The following LMNB2 variants were observed in gnomAD, a reference collection of about 807,000 sequenced individuals.
LMNB2 encodes lamin B2.
Under a neutral mutation model 69.3 loss-of-function variants are expected in LMNB2, and 17 were observed. The observed-to-expected ratio is 0.25, with a 90% CI of 0.17 to 0.37. The LOEUF (loss-of-function observed/expected upper bound fraction) is 0.37, where lower values mean the gene tolerates loss of function less well. Among genes scored for constraint, LMNB2 ranks in the 10% least tolerant of loss-of-function variants. The probability of loss-of-function intolerance (pLI) is 1.00; values close to 1 mark genes in which losing one functional copy is unlikely to be tolerated. For synonymous variants in LMNB2, 397 were observed against 389.3 expected, an observed-to-expected ratio of 1.02 and a Z score of -0.23; for missense variants, 789 against 883.6, an observed-to-expected ratio of 0.89 and a Z score of 1.36.
intron 1 of LMNB2, 56 bp from the exon 2 acceptor site, chr19:2,444,596 C>A: frequency 1.3e-6 from 2 of 1,595,906 alleles, no homozygotes; most frequent in South Asian, 2.2e-5. Context: ...TGGACTACAG[C>A]AGTCAGGGGG....
chr19:2,444,573 G>A (rs771936987), intron 1 of LMNB2, 33 bp from the exon 2 acceptor site: 8 of 1,602,886 alleles, frequency 5.0e-6, no homozygotes, highest in Admixed American at 1.7e-5. Context: ...GAAGCGAGAG[G>A]GACCCTTCCC....
At chr19:2,434,649 G>C (rs1270647935) in intron 6 of LMNB2, 134 bp from the exon 7 acceptor site, 5 of 1,493,512 alleles carry the variant, frequency 3.3e-6, no homozygotes, top group African/African-American at 2.8e-5. Context: ...GCGCACGGGA[G>C]GGGAGGGAAG....
intron 1 of LMNB2, among the ~76,000 whole-genome samples, chr19:2,450,865 C>G (rs995184019): frequency 6.6e-6 from 1 of 150,914 alleles, no homozygotes; most frequent in Non-Finnish European, 1.5e-5. Flanking sequence ...CTCCTGACCT[C>G]GTGATCCGCC....
At chr19:2,435,210 G>A in intron 4 of LMNB2, 39 bp from the exon 5 acceptor site, 2 of 1,595,952 alleles carry the variant, frequency 1.3e-6, no homozygotes, top group Non-Finnish European at 1.7e-6. Flanking sequence ...GTCCCGCCTG[G>A]GCCCCAAGCA....
intron 2 of LMNB2, among the ~76,000 whole-genome samples, chr19:2,439,201 A>C (rs963411123): frequency 1.3e-5 from 2 of 151,810 alleles, no homozygotes; most frequent in Admixed American, 1.3e-4. Flanking sequence ...AAATGTTTTT[A>C]AGCATAATTA....
At chr19:2,441,177 G>T (rs1429537278) in intron 2 of LMNB2, among the ~76,000 whole-genome samples, 1 of 152,218 alleles carries the variant, frequency 6.6e-6, no homozygotes, top group Non-Finnish European at 1.5e-5. Context: ...CTGGTCGGGG[G>T]TCAGACAACC....
intron 1 of LMNB2, among the ~76,000 whole-genome samples, chr19:2,446,258 G>A (rs1045584477): frequency 1.3e-5 from 2 of 150,118 alleles, no homozygotes; most frequent in African/African-American, 4.9e-5. Flanking sequence ...AGCCCAGCCA[G>A]CAAGGACATG....
At chr19:2,449,225 TACCATTGTGTAAC>T (rs1055575214) in intron 1 of LMNB2, among the ~76,000 whole-genome samples, 3 of 152,168 alleles carry the variant, frequency 2.0e-5, no homozygotes, top group South Asian at 2.1e-4. Context: ...CTCACATACT[TACCATTGTGTAAC>T]CGGTGCCCAC....
Position 2,429,243 on chromosome 19 carries a change from GAC to G in LMNB2, c.*1666_*1667del, listed in dbSNP as rs1453656825. 1 of 152,234 alleles carries G rather than the reference GAC, an allele frequency of 6.6e-6. No individual in the cohort carries two copies. The highest frequency in any genetic ancestry group is 2.1e-4 in the South Asian group (1 of 4,818). The allele number at this position is 152,234 out of a possible 1,614,324, so 9.4% of individuals were successfully genotyped here. ...TTCCTGCTATGAAGGTGGGAAAGAG[GAC>G]ACAGTCTGTCGCCAGCATTCCCACT... On this transcript the variant is annotated 3_prime_UTR_variant, in exon 12 of 12. Coordinates refer to ENST00000325327, the MANE Select transcript of LMNB2 (RefSeq NM_032737.4).
intron 8 of LMNB2, 123 bp downstream of exon 8, chr19:2,433,703 C>A (rs1440582291): frequency 1.6e-6 from 2 of 1,260,320 alleles, no homozygotes; most frequent in Non-Finnish European, 2.3e-6. Flanking sequence ...ACCCCCATGC[C>A]CCGGTCATTC....
At chr19:2,439,882 C>A (rs899414552) in intron 2 of LMNB2, among the ~76,000 whole-genome samples, 1 of 151,594 alleles carries the variant, frequency 6.6e-6, no homozygotes, top group Admixed American at 6.6e-5. Flanking sequence ...TACAGGCATG[C>A]GCCACCAGCG....
At chr19:2,443,000 T>A (rs1026142291) in intron 2 of LMNB2, among the ~76,000 whole-genome samples, 1 of 152,196 alleles carries the variant, frequency 6.6e-6, no homozygotes, top group African/African-American at 2.4e-5. Flanking sequence ...CGTGCACCCC[T>A]GACCAAGCTC....
At chr19:2,436,150 G>C (rs528105969) in intron 4 of LMNB2, among the ~76,000 whole-genome samples, 1 of 152,130 alleles carries the variant, frequency 6.6e-6, no homozygotes, top group Admixed American at 6.5e-5. Flanking sequence ...CGGGTTGGTG[G>C]CACCCGCCTA....
Position 2,433,883 on chromosome 19 carries a change from G to A in LMNB2, c.1425C>T (p.Ser475=). The A allele has an allele frequency of 6.2e-7, 1 of 1,613,266 alleles. No individual in the cohort carries two copies. Among genetic ancestry groups the A allele is most frequent in the Non-Finnish European group, 8.5e-7 (1 of 1,179,892 alleles). Residue 475 remains serine, a synonymous_variant, in exon 8 of 12, where the codon AGC becomes AGT. Coordinates refer to ENST00000325327, the MANE Select transcript of LMNB2 (RefSeq NM_032737.4). The part of the protein sequence containing the change: ...AQQASASGSV[S]IEEIDLEGKF... ...TGCCCTCCAGGTCGATCTCCTCGAT[G>A]CTGACGCTACCCGAGGCCGAGGCCT...
chr19:2,434,471 C>T lies in LMNB2; in HGVS notation c.1026G>A (p.Met342Ile), dbSNP rs2145448355. 1 of 1,613,314 alleles carries T rather than the reference C, an allele frequency of 6.2e-7. No individual in the cohort carries two copies. The highest frequency in any genetic ancestry group is 8.5e-7 in the Non-Finnish European group (1 of 1,179,964). Reference sequence around the variant, plus strand: ...TCCGGAACTTGTCCCGCTCCCCGGCCATGGCCTCCTCCAGCTCCCGAATGC... The same window carrying T: ...TCCGGAACTTGTCCCGCTCCCCGGCTATGGCCTCCTCCAGCTCCCGAATGC... Reference protein sequence around the residue: ...EDRIRELEEAMAGERDKFRKM... With the variant: ...EDRIRELEEAIAGERDKFRKM... The change falls in exon 7 of 12, where the codon ATG (methionine) becomes ATA (isoleucine). Residue 342 changes from methionine (M) to isoleucine (I), a missense_variant. Met to Ile is a conservative substitution (Grantham distance 10). Around this residue, in one of 3 missense-constraint regions of LMNB2, gnomAD observed 609 missense variants for 630.9 expected, o/e 0.97. Coordinates refer to ENST00000325327, the MANE Select transcript of LMNB2 (RefSeq NM_032737.4).
rs1971727015 is a variant in LMNB2, at chr19:2,430,552, C to CGCTCCGT, written c.*352_*358dup. The CGCTCCGT allele has an allele frequency of 2.6e-6, 1 of 379,578 alleles. No individual in the cohort carries two copies. 23.5% of individuals were successfully genotyped at this position (379,578 alleles called of 1,614,324 possible). A position where few individuals can be genotyped will look rare whatever the true frequency, so the allele number is the denominator to read the frequency against. On this transcript the variant is annotated 3_prime_UTR_variant, in exon 12 of 12. Coordinates refer to ENST00000325327, the MANE Select transcript of LMNB2 (RefSeq NM_032737.4). ...CCACTGAATTCCTACGCAGTTTCCG[C>CGCTCCGT]GCTCCGTCCGCAGCAGGGCCGTCTC...
In LMNB2 at chr19:2,447,523, G is replaced by T. The variant is rs1181727728; in HGVS notation, c.265-2983C>A. Among the ~76,000 whole-genome samples the T allele has an allele frequency of 6.6e-6, 1 of 152,172 alleles. No individual in the cohort carries two copies. The highest frequency in any genetic ancestry group is 1.9e-4 in the East Asian group (1 of 5,200). On this transcript the variant is annotated intron_variant, in intron 1 of 11. Transcript: ENST00000325327. This position sits in a 1 kb window ranked among gnomAD's most constrained non-coding sequence, Gnocchi z 4.4. ...GGCACAGCTGTGGAGATATGAAAAC[G>T]CGAAACCTACGGGTGAGCTGGGTGA...
intron 2 of LMNB2, among the ~76,000 whole-genome samples, chr19:2,442,789 CAGG>C (rs1971913376): frequency 6.6e-6 from 1 of 152,132 alleles, no homozygotes; most frequent in South Asian, 2.1e-4. Context: ...ACGCACTGCT[CAGG>C]AGATTGTGAA....
At chr19:2,434,651 G>A in intron 6 of LMNB2, 136 bp from the exon 7 acceptor site, 1 of 1,497,288 alleles carries the variant, frequency 6.7e-7, no homozygotes, top group Middle Eastern at 2.2e-4. Context: ...GCACGGGAGG[G>A]GAGGGAAGGG....
Sources: gnomAD v4.1 joint callset for allele counts (sites outside exome capture counted in the v4.1 genomes callset) on GRCh38, gnomAD v4.1.1 for gene constraint, gnomAD v4.1.1 regional missense constraint, Gnocchi (gnomAD v3.1) non-coding constraint, MANE v1.5 for transcripts, NCBI Gene and HGNC (gene_info 2026-07-23, HGNC 2026-07-21) for gene names.